Variants in NSUN7 observed in about 807,000 individuals in gnomAD.
The protein encoded by NSUN7 is protein NSUN7.
A neutral mutation model predicts 58.5 loss-of-function variants in NSUN7; 39 were observed. The observed-to-expected ratio is 0.67, with a 90% CI of 0.52 to 0.87. The LOEUF is 0.87. Among genes scored for constraint, NSUN7 ranks in the 40% least tolerant of loss-of-function variants. The pLI is 0.00. For synonymous variants in NSUN7, 278 were observed against 303.7 expected (o/e 0.92, Z 0.88); for missense variants, 765 against 844.1 (o/e 0.91, Z 1.16).
chr4:40,764,921 G>A (rs1380479652), intron 4 of NSUN7, among the ~76,000 whole-genome samples: 5 of 151,830 alleles, frequency 3.3e-5, no homozygotes, highest in Admixed American at 2.6e-4. Context: ...ACTTTTTGAT[G>A]GGGTTGTTTG....
chr4:40,800,175 T>C (rs34835507), intron 10 of NSUN7, among the ~76,000 whole-genome samples: 26,316 of 152,130 alleles, frequency 0.17, 2,457 homozygotes, highest in Non-Finnish European at 0.19. Flanking sequence ...CTTTACTCAC[T>C]TGTGGGGTGA....
chr4:40,750,579 T>C, intron 1 of NSUN7, 24 bp from the exon 2 acceptor site: 1 of 1,251,346 alleles, frequency 8.0e-7, no homozygotes, highest in African/African-American at 1.5e-5. Context: ...AGTGATTTAC[T>C]GCAATCACCT....
At chr4:40,778,617 CAACTTCCT>C (rs1742380182) in intron 7 of NSUN7, among the ~76,000 whole-genome samples, 1 of 152,146 alleles carries the variant, frequency 6.6e-6, no homozygotes. Context: ...CCTTGATCTT[CAACTTCCT>C]AGTCTCCAGA....
At chr4:40,782,588 C>T (rs1228661884) in intron 7 of NSUN7, among the ~76,000 whole-genome samples, 1 of 151,458 alleles carries the variant, frequency 6.6e-6, no homozygotes, top group Non-Finnish European at 1.5e-5. Context: ...GAAATTAGGG[C>T]CGGGTGCAGT....
chr4:40,765,894 T>G (rs977035092), intron 4 of NSUN7, among the ~76,000 whole-genome samples: 4 of 152,078 alleles, frequency 2.6e-5, no homozygotes, highest in African/African-American at 7.2e-5. Flanking sequence ...TCTGTTATCG[T>G]TGTATAAGAA....
intron 11 of NSUN7, among the ~76,000 whole-genome samples, chr4:40,807,393 G>C (rs1048582524): frequency 1.3e-5 from 2 of 149,590 alleles, no homozygotes; most frequent in Non-Finnish European, 3.0e-5. Context: ...CTGTAGCCCA[G>C]GCTGGAGTGC....
At chr4:40,780,776 C>T (rs1364339252) in intron 7 of NSUN7, among the ~76,000 whole-genome samples, 1 of 69,160 alleles carries the variant, frequency 1.4e-5, no homozygotes. Flanking sequence ...CACACACACA[C>T]ACACACACAC....
intron 7 of NSUN7, among the ~76,000 whole-genome samples, chr4:40,785,005 A>T (rs977032126): frequency 5.3e-5 from 8 of 152,198 alleles, no homozygotes; most frequent in Non-Finnish European, 8.8e-5. Flanking sequence ...AGCAAGTTTC[A>T]GTGACTTTCA....
At position 40,776,190 on chromosome 4, in the gene NSUN7, G is replaced by A. The variant is rs1469536429; in HGVS notation, c.967G>A (p.Val323Met). 1 of 1,612,526 alleles carries A rather than the reference G, an allele frequency of 6.2e-7. No individual in the cohort carries two copies. The change falls in exon 7 of 12, where the codon GTG (valine) becomes ATG (methionine). Residue 323 changes from valine to methionine, a missense_variant. Transcript: ENST00000381782. Reference protein sequence around the residue: ...LTNNNTSKVFVCGVQSQAKDP... With the variant: ...LTNNNTSKVFMCGVQSQAKDP... ...AAATAATAATACCTCAAAAGTATTT[G>A]TGTGTGGAGTACAATCACAAGCTAA...
At position 40,794,461 on chromosome 4, in the gene NSUN7, A is replaced by C; in HGVS notation, c.1267A>C (p.Thr423Pro). 6.2e-7 allele frequency: 1 copy of C among 1,606,490 alleles called. No individual in the cohort carries two copies. The highest frequency in any genetic ancestry group is 8.5e-7 in the Non-Finnish European group (1 of 1,173,590). The change falls in exon 9 of 12, where the codon ACA becomes CCA. Residue 423 changes from threonine (T) to proline (P), a missense_variant. Coordinates refer to ENST00000381782, the MANE Select transcript of NSUN7 (RefSeq NM_024677.6). Reference sequence around the variant, plus strand: ...TGCTCAACAGCAGTATGAACAGCTAACACATGCAATGAAATGTAAGGTTGT... The same window carrying C: ...TGCTCAACAGCAGTATGAACAGCTACCACATGCAATGAAATGTAAGGTTGT... ...VLAQQQYEQL[T>P]HAMKFTKAQA...
intron 4 of NSUN7, among the ~76,000 whole-genome samples, chr4:40,763,955 T>C (rs946582181): frequency 6.6e-6 from 1 of 152,184 alleles, no homozygotes; most frequent in Non-Finnish European, 1.5e-5. Flanking sequence ...GAAATGCCTA[T>C]GTTTAGTGAT....
At chr4:40,761,054 T>TA (rs1741437248) in intron 3 of NSUN7, 117 bp from the exon 4 acceptor site, 3 of 795,212 alleles carry the variant, frequency 3.8e-6, no homozygotes, top group East Asian at 2.9e-5. Flanking sequence ...TCAGACTATG[T>TA]AAAAATAGTC....
At position 40,785,294 on chromosome 4, in the gene NSUN7, G is replaced by A. The variant is rs112267713; in HGVS notation, c.1037-5308G>A. ...CACCTAGCTCCTAATATGTTTTTCA[G>A]CCACAGTGGAATCAAGCAAGAAATC... is the stretch of plus-strand genomic sequence containing the variant. On this transcript the variant is annotated intron_variant, in intron 7 of 11. Transcript: ENST00000381782. Among the ~76,000 whole-genome samples the A allele has an allele frequency of 7.5e-3, 1,128 of 151,348 alleles. 12 individuals carry two copies. Among genetic ancestry groups the A allele is most frequent in the Non-Finnish European group, 0.012 (839 of 67,906 alleles).
chr4:40,800,734 T>G (rs889980004), intron 10 of NSUN7, among the ~76,000 whole-genome samples: 2 of 152,204 alleles, frequency 1.3e-5, no homozygotes, highest in Non-Finnish European at 2.9e-5. Context: ...CAAAATATAT[T>G]ATTTCTGGAA....
intron 10 of NSUN7, among the ~76,000 whole-genome samples, chr4:40,802,175 C>T (rs865801888): frequency 1.3e-5 from 2 of 152,044 alleles, no homozygotes; most frequent in East Asian, 1.9e-4. Context: ...CCTTGGCCCC[C>T]GTTCCCCTTT....
intron 4 of NSUN7, among the ~76,000 whole-genome samples, chr4:40,769,004 T>G (rs1577554138): frequency 6.6e-6 from 1 of 152,326 alleles, no homozygotes; most frequent in East Asian, 1.9e-4. Flanking sequence ...ACTTCACAGC[T>G]AAGGCATCAC....
At chr4:40,785,222 G>C (rs1742754095) in intron 7 of NSUN7, among the ~76,000 whole-genome samples, 1 of 150,384 alleles carries the variant, frequency 6.6e-6, no homozygotes, top group Admixed American at 6.6e-5. Flanking sequence ...TTTTGGTAGA[G>C]ACAAGGTCTC....
chr4:40,795,411 A>T (rs1188222293), intron 9 of NSUN7, among the ~76,000 whole-genome samples: 1 of 152,222 alleles, frequency 6.6e-6, no homozygotes, highest in African/African-American at 2.4e-5. Flanking sequence ...GATATGATCT[A>T]GGAAATAAGT....
At chr4:40,757,649 CATTGTGTATATATAT>C (rs1458699855) in intron 2 of NSUN7, among the ~76,000 whole-genome samples, 1 of 135,578 alleles carries the variant, frequency 7.4e-6, no homozygotes, top group African/African-American at 2.8e-5. Context: ...TATATATATA[CATTGTGTATATATAT>C]ACATTGTGTG....
Sources: gnomAD v4.1 joint callset for allele counts (sites outside exome capture counted in the v4.1 genomes callset) on GRCh38, gnomAD v4.1.1 for gene constraint, MANE v1.5 for transcripts, NCBI Gene and HGNC (gene_info 2026-07-23, HGNC 2026-07-21) for gene names.